The following ANKRD36C variants were observed in gnomAD, a reference collection of about 807,000 sequenced individuals.
The protein encoded by ANKRD36C is ankyrin repeat domain 36C.
A neutral mutation model predicts 276.4 loss-of-function variants in ANKRD36C; 61 were observed. The observed-to-expected ratio is 0.22, with a 90% confidence interval of 0.18 to 0.27. The LOEUF is 0.27. ANKRD36C is among the 10% of genes least tolerant of loss of function. The pLI is 1.00. For synonymous variants in ANKRD36C, 483 were observed against 680.1 expected (o/e 0.71, Z 4.51); for missense variants, 1,447 against 2,032.3 (o/e 0.71, Z 5.54).
At chr2:95,967,834 T>G (rs1198802711) in intron 6 of ANKRD36C, among the ~76,000 whole-genome samples, 1 of 152,044 alleles carries the variant, frequency 6.6e-6, no homozygotes, top group Admixed American at 6.6e-5. Flanking sequence ...ATGCCTGTGA[T>G]CTCAGCATTT....
chr2:95,858,447 G>A (rs1411147656), intron 61 of ANKRD36C, among the ~76,000 whole-genome samples: 1 of 152,024 alleles, frequency 6.6e-6, no homozygotes, highest in Non-Finnish European at 1.5e-5. Context: ...TCCTGCATAA[G>A]TTTCTATTAC....
In ANKRD36C at chr2:95,856,856, G is replaced by A. The variant is rs74786656; in HGVS notation, c.4080+453C>T. ...TTCCTAGTGCTCTTCCATCAAATCAGTAACTTCTGTGAGGTAGATATATAC... is the reference window on the plus strand; with the variant it reads ...TTCCTAGTGCTCTTCCATCAAATCAATAACTTCTGTGAGGTAGATATATAC... On this transcript the variant is annotated intron_variant, in intron 62 of 66. Transcript: ENST00000456556. 3.8e-4 allele frequency among the ~76,000 whole-genome samples: 58 copies of A among 152,168 alleles called. 1 individual carries two copies. Among genetic ancestry groups the A allele is most frequent in the Admixed American group, 3.3e-3 (51 of 15,276 alleles).
chr2:95,919,945 T>A (rs1677220733), intron 34 of ANKRD36C, 25 bp from the exon 35 acceptor site: 2 of 1,535,616 alleles, frequency 1.3e-6, no homozygotes, highest in Non-Finnish European at 8.8e-7. Flanking sequence ...GGATACATAA[T>A]CACTCATATA....
intron 66 of ANKRD36C, among the ~76,000 whole-genome samples, 164 bp downstream of exon 86, chr2:95,851,530 C>G (rs1433693388): frequency 6.6e-6 from 1 of 152,162 alleles, no homozygotes; most frequent in Admixed American, 6.5e-5. Flanking sequence ...TGTTTAGACT[C>G]AGGTACCATC....
intron 40 of ANKRD36C, among the ~76,000 whole-genome samples, chr2:95,913,760 G>A (rs1454453266): frequency 1.3e-5 from 2 of 151,374 alleles, no homozygotes; most frequent in Admixed American, 6.6e-5. Flanking sequence ...AGTATGATCT[G>A]AAGTGTGTAA....
rs13426104 is a variant in ANKRD36C at position 95,923,380 on chromosome 2, G to A, written c.2143+115C>T. 1,634 of 1,357,032 alleles carry A rather than the reference G, an allele frequency of 1.2e-3. 18 individuals carry two copies. The African/African-American group carries it at 0.02, about 17-fold the overall frequency. 84.1% of individuals were successfully genotyped at this position (1,357,032 alleles called of 1,614,324 possible). On this transcript the variant is annotated intron_variant, in intron 32 of 66. Transcript: ENST00000456556. ...AACTTATTACAAATGAAGAATCTCC[G>A]GCCTGCTGAATCAGAATGTGCAGCT...
intron 27 of ANKRD36C, 32 bp from the exon 28 acceptor site, chr2:95,927,318 C>A (rs373019320): frequency 5.0e-6 from 8 of 1,608,306 alleles, no homozygotes; most frequent in South Asian, 2.2e-5. Context: ...ATAATCAATA[C>A]GTAAAGTAGG....
At chr2:95,908,624 G>C in intron 42 of ANKRD36C, 45 bp downstream of exon 47, 1 of 1,563,204 alleles carries the variant, frequency 6.4e-7, no homozygotes, top group Non-Finnish European at 8.7e-7. Context: ...ATGTTTCATA[G>C]ACTATACATT....
At chr2:95,941,032 A>G (rs1400347054) in intron 20 of ANKRD36C, 128 bp downstream of exon 20, 1 of 545,858 alleles carries the variant, frequency 1.8e-6, no homozygotes, top group African/African-American at 2.0e-5. Flanking sequence ...ATTTTCAAAA[A>G]TTATATTAAA....
At chr2:95,918,598 T>A (rs1272469420) in intron 34 of ANKRD36C, among the ~76,000 whole-genome samples, 1 of 151,696 alleles carries the variant, frequency 6.6e-6, no homozygotes, top group Non-Finnish European at 1.5e-5. Context: ...TGATACCTAG[T>A]AGATAATATT....
intron 44 of ANKRD36C, among the ~76,000 whole-genome samples, chr2:95,895,868 T>C (rs1676532469): frequency 6.6e-6 from 1 of 151,026 alleles, no homozygotes; most frequent in South Asian, 2.1e-4. Context: ...GTGGATATGA[T>C]GAGCGATGAG....
chr2:95,867,159 T>C (rs1411389777), intron 60 of ANKRD36C, among the ~76,000 whole-genome samples: 1 of 152,162 alleles, frequency 6.6e-6, no homozygotes, highest in Non-Finnish European at 1.5e-5. Context: ...GAGAAAATGG[T>C]AACATGACCA....
intron 7 of ANKRD36C, 40 bp downstream of exon 7, chr2:95,962,479 T>C (rs754786552): frequency 6.3e-7 from 1 of 1,595,378 alleles, no homozygotes. Flanking sequence ...TCACAGACTA[T>C]ATAGTTAATA....
intron 46 of ANKRD36C, among the ~76,000 whole-genome samples, chr2:95,891,285 A>G (rs1676347417): frequency 6.6e-6 from 1 of 151,106 alleles, no homozygotes; most frequent in Admixed American, 6.6e-5. Flanking sequence ...TTGTTACAAC[A>G]AGCTTTCTGT....
intron 30 of ANKRD36C, 103 bp from the exon 31 acceptor site, chr2:95,923,792 T>C (rs1465595097): frequency 1.6e-5 from 24 of 1,496,838 alleles, no homozygotes; most frequent in Non-Finnish European, 2.2e-5. Context: ...CTGCCTGTAT[T>C]AGTATAGGCT....
intron 59 of ANKRD36C, among the ~76,000 whole-genome samples, chr2:95,872,359 AACTC>A (rs1489604778): frequency 2.6e-5 from 4 of 151,774 alleles, no homozygotes; most frequent in African/African-American, 9.7e-5. Flanking sequence ...AGGATTAAGA[AACTC>A]ACTCAAAACC....
intron 1 of ANKRD36C, among the ~76,000 whole-genome samples, chr2:95,990,122 C>T (rs947191721): frequency 1.3e-5 from 2 of 151,996 alleles, no homozygotes; most frequent in Admixed American, 1.3e-4. Context: ...TATAAGTAGG[C>T]ATTTGTGGTT....
rs1392543500 is a variant in ANKRD36C, at chr2:95,956,645, G to A, written c.1136+141C>T. The A allele has an allele frequency of 1.2e-5, 11 of 904,240 alleles. No homozygotes were observed. The East Asian group carries it at 2.8e-4, about 23-fold the overall frequency. The allele number at this position is 904,240 out of a possible 1,614,324, so 56.0% of individuals were successfully genotyped here. On this transcript the variant is annotated intron_variant, in intron 13 of 66. Transcript: ENST00000456556. ...AATAGCACAAATAGTTTGTAAAGCT[G>A]TGTGGAGATGACATGACATGATAAA... is the stretch of plus-strand genomic sequence containing the variant.
intron 60 of ANKRD36C, among the ~76,000 whole-genome samples, chr2:95,862,449 T>C (rs1675608297): frequency 3.3e-5 from 5 of 151,474 alleles, no homozygotes; most frequent in Admixed American, 2.6e-4. Context: ...AAACAGGTAA[T>C]GAAAATAGAA....
Sources: gnomAD v4.1 joint callset for allele counts (sites outside exome capture counted in the v4.1 genomes callset) on GRCh38, gnomAD v4.1.1 for gene constraint, MANE v1.5 for transcripts, NCBI Gene and HGNC (gene_info 2026-07-23, HGNC 2026-07-21) for gene names.